The following HS3ST4 variants were observed in gnomAD, a reference collection of about 807,000 sequenced individuals.
HS3ST4 encodes heparan sulfate-glucosamine 3-sulfotransferase 4, also known as heparan sulfate glucosamine 3-O-sulfotransferase 4.
A neutral mutation model predicts 29.2 loss-of-function variants in HS3ST4; 17 were observed. The ratio of observed to expected loss-of-function variants is 0.58; its 90% CI spans 0.40 to 0.87. The LOEUF (loss-of-function observed/expected upper bound fraction) is 0.87. Ranked by LOEUF, HS3ST4 falls within the 40% of genes least tolerant of loss-of-function variation. The pLI, the probability that HS3ST4 is intolerant of heterozygous loss-of-function variation, is 0.00. For missense variants in HS3ST4, 627 were observed against 634.5 expected (o/e 0.99, Z 0.13); for synonymous variants, 314 against 285.7 (o/e 1.10, Z -1.00).
At chr16:25,748,237 G>A (rs1256963445) in intron 1 of HS3ST4, among the ~76,000 whole-genome samples, 1 of 152,098 alleles carries the variant, frequency 6.6e-6, no homozygotes, top group Non-Finnish European at 1.5e-5. Context: ...CTTAATGGTT[G>A]CATGCCGCTC....
chr16:25,788,543 T>C lies in HS3ST4; in HGVS notation c.734+95392T>C, dbSNP rs1257928425. Reference sequence around the variant, plus strand: ...CTACATTTTTTTTTCTTTTCTTCTTTCTTTTTTTTTTTTTTTTGACAGGGT... The same window carrying C: ...CTACATTTTTTTTTCTTTTCTTCTTCCTTTTTTTTTTTTTTTTGACAGGGT... On this transcript the variant is annotated intron_variant, in intron 1 of 1. Transcript: ENST00000331351. Among the ~76,000 whole-genome samples the C allele has an allele frequency of 2.4e-3, 230 of 95,552 alleles. 7 individuals are homozygous for C. The highest frequency in any genetic ancestry group is 9.9e-3 in the African/African-American group (218 of 22,086). 62.7% of individuals were successfully genotyped at this position (95,552 alleles called of 152,430 possible). A position where few individuals can be genotyped will look rare whatever the true frequency, so the allele number is the denominator to read the frequency against.
At chr16:26,010,966 T>C (rs1477650027) in intron 1 of HS3ST4, among the ~76,000 whole-genome samples, 2 of 152,150 alleles carry the variant, frequency 1.3e-5, no homozygotes, top group African/African-American at 4.8e-5. Flanking sequence ...CTCCTAAGGG[T>C]AGTTTTGAGG....
chr16:25,924,273 A>G (rs1227409542), intron 1 of HS3ST4, among the ~76,000 whole-genome samples: 1 of 152,162 alleles, frequency 6.6e-6, no homozygotes, highest in African/African-American at 2.4e-5. Context: ...TATCTCTTTA[A>G]TCTATTAGCT....
chr16:25,894,969 G>A (rs1210251011), intron 1 of HS3ST4, among the ~76,000 whole-genome samples: 4 of 152,196 alleles, frequency 2.6e-5, no homozygotes, highest in Non-Finnish European at 5.9e-5. Context: ...ATAGTGATGG[G>A]GAGATGAGCG....
At chr16:26,060,014 G>A (rs898588815) in intron 1 of HS3ST4, among the ~76,000 whole-genome samples, 9 of 152,234 alleles carry the variant, frequency 5.9e-5, no homozygotes, top group African/African-American at 1.9e-4. Flanking sequence ...TCCTGACCTT[G>A]TGATCTGCCC....
intron 1 of HS3ST4, among the ~76,000 whole-genome samples, chr16:26,041,032 C>T (rs1969632227): frequency 6.6e-6 from 1 of 152,164 alleles, no homozygotes; most frequent in Admixed American, 6.6e-5. Flanking sequence ...TTCATCCTGG[C>T]TACACGTTGG....
intron 1 of HS3ST4, among the ~76,000 whole-genome samples, chr16:25,847,818 G>C (rs1483081316): frequency 6.6e-6 from 1 of 152,148 alleles, no homozygotes; most frequent in Admixed American, 6.5e-5. Context: ...TATCATTCCT[G>C]AGAAAATCCT....
chr16:26,047,830 T>G (rs1370860815), intron 1 of HS3ST4, among the ~76,000 whole-genome samples: 1 of 152,152 alleles, frequency 6.6e-6, no homozygotes, highest in African/African-American at 2.4e-5. Flanking sequence ...TAGAAGGTGG[T>G]GATGATGGAC....
At chr16:26,028,374 A>T (rs116155419) in intron 1 of HS3ST4, among the ~76,000 whole-genome samples, 1 of 152,086 alleles carries the variant, frequency 6.6e-6, no homozygotes, top group Non-Finnish European at 1.5e-5. Flanking sequence ...AAAGATGATC[A>T]TAAAGATAAA....
intron 1 of HS3ST4, among the ~76,000 whole-genome samples, chr16:26,092,607 A>C (rs1898870269): frequency 6.6e-6 from 1 of 152,194 alleles, no homozygotes; most frequent in African/African-American, 2.4e-5. Context: ...ATCAAGACAG[A>C]CATAAGGAGA....
At chr16:25,863,256 C>G (rs968864332) in intron 1 of HS3ST4, among the ~76,000 whole-genome samples, 8 of 152,054 alleles carry the variant, frequency 5.3e-5, no homozygotes, top group Admixed American at 4.6e-4. Flanking sequence ...GCTAATTTTT[C>G]TATTTTAAGT....
chr16:25,873,413 TCCAC>T lies in HS3ST4; in HGVS notation c.734+180266_734+180269del, dbSNP rs1169196997. 3.7e-3 allele frequency among the ~76,000 whole-genome samples: 256 copies of T among 69,716 alleles called. 5 individuals are homozygous for T. The highest frequency in any genetic ancestry group is 0.025 in the Middle Eastern group (4 of 160). 45.7% of individuals were successfully genotyped at this position (69,716 alleles called of 152,430 possible). A position where few individuals can be genotyped will look rare whatever the true frequency, so the allele number is the denominator to read the frequency against. On this transcript the variant is annotated intron_variant, in intron 1 of 1. Coordinates refer to ENST00000331351, the MANE Select transcript of HS3ST4 (RefSeq NM_006040.3). ...ATCCATCCATCCATCCATCCATCCATCCACCCATCCATCCATTAATCCATCCATC... is the reference window on the plus strand; with the variant it reads ...ATCCATCCATCCATCCATCCATCCATCCATCCATCCATTAATCCATCCATC...
chr16:25,813,647 A>G (rs1206556185), intron 1 of HS3ST4, among the ~76,000 whole-genome samples: 1 of 152,192 alleles, frequency 6.6e-6, no homozygotes, highest in Non-Finnish European at 1.5e-5. Flanking sequence ...GTCAAGTGGT[A>G]CAACCACTTT....
At chr16:26,091,315 T>G (rs982925810) in intron 1 of HS3ST4, among the ~76,000 whole-genome samples, 1 of 152,210 alleles carries the variant, frequency 6.6e-6, no homozygotes, top group African/African-American at 2.4e-5. Flanking sequence ...GTTGGATAGA[T>G]TAATCAATAG....
intron 1 of HS3ST4, among the ~76,000 whole-genome samples, chr16:26,113,176 A>C (rs1270844751): frequency 2.0e-5 from 3 of 152,218 alleles, no homozygotes; most frequent in Admixed American, 1.3e-4. Flanking sequence ...ACTAAGCAGA[A>C]CATTATGCCA....
chr16:25,951,948 C>G (rs899593585), intron 1 of HS3ST4, among the ~76,000 whole-genome samples: 2 of 151,652 alleles, frequency 1.3e-5, no homozygotes, highest in African/African-American at 4.9e-5. Flanking sequence ...CCTGCACATC[C>G]TGCACATGTA....
At chr16:25,998,565 A>G (rs1003200625) in intron 1 of HS3ST4, among the ~76,000 whole-genome samples, 2 of 152,112 alleles carry the variant, frequency 1.3e-5, no homozygotes, top group Non-Finnish European at 2.9e-5. Flanking sequence ...TTATCAGAGT[A>G]TTTTCCATTC....
intron 1 of HS3ST4, among the ~76,000 whole-genome samples, chr16:26,123,443 C>T (rs2141811973): frequency 6.6e-6 from 1 of 152,334 alleles, no homozygotes; most frequent in Non-Finnish European, 1.5e-5. Flanking sequence ...GATTCCTACC[C>T]TGAAAGTCTT....
chr16:25,987,679 T>C (rs1969077455), intron 1 of HS3ST4, among the ~76,000 whole-genome samples: 1 of 152,188 alleles, frequency 6.6e-6, no homozygotes, highest in Non-Finnish European at 1.5e-5. Flanking sequence ...TGGCCGCCAG[T>C]GTTCCCATGG....
Sources: gnomAD v4.1 joint callset for allele counts (sites outside exome capture counted in the v4.1 genomes callset) on GRCh38, gnomAD v4.1.1 for gene constraint, MANE v1.5 for transcripts, NCBI Gene and HGNC (gene_info 2026-07-23, HGNC 2026-07-21) for gene names.